Variants in PTCH1 observed in about 807,000 individuals in gnomAD.
The protein encoded by PTCH1 is protein patched homolog 1.
PTCH1 carries 14 observed loss-of-function variants against 144.6 expected under a neutral mutation model. That is an observed-to-expected ratio of 0.10 (90% CI 0.06 to 0.15). The LOEUF is 0.15. Among genes scored for constraint, PTCH1 ranks in the 10% least tolerant of loss-of-function variants. The pLI is 1.00. For missense variants in PTCH1, 1,623 were observed against 1,948.3 expected (o/e 0.83, Z 3.14); for synonymous variants, 833 against 793.6 (o/e 1.05, Z -0.83).
In PTCH1 at chr9:95,449,331, A is replaced by AG; in HGVS notation, c.3550-9dup. 1 of 1,545,074 alleles carries AG rather than the reference A, an allele frequency of 6.5e-7. No homozygotes were observed. On this transcript the variant is annotated splice_polypyrimidine_tract_variant and intron_variant, in intron 21 of 23. Transcript: ENST00000331920. This position sits in a 1 kb window ranked among gnomAD's most constrained non-coding sequence, Gnocchi z 5.3. ...GCCGTTGGCTGGAGACACCTATTTA[A>AG]GGGGATTCCATGTTAAAAGTGTTCT... is the stretch of plus-strand genomic sequence containing the variant.
At position 95,449,043 on chromosome 9, in the gene PTCH1, C is replaced by T. The variant is rs373071965; in HGVS notation, c.3804+26G>A. On this transcript the variant is annotated intron_variant, in intron 22 of 23. Coordinates refer to ENST00000331920, the MANE Select transcript of PTCH1 (RefSeq NM_000264.5). This position sits in a 1 kb window ranked among gnomAD's most constrained non-coding sequence, Gnocchi z 5.3. ...CCACTACCACGGTGGGAAGACCCCT[C>T]CCCCTGGTTCTGCAGAGTCACTTAC... 79 of 1,612,876 alleles carry T rather than the reference C, an allele frequency of 4.9e-5. No homozygotes were observed. Among genetic ancestry groups the T allele is most frequent in the Non-Finnish European group, 6.6e-5 (78 of 1,179,054 alleles).
chr9:95,461,134 G>C (rs887144089), intron 16 of PTCH1, among the ~76,000 whole-genome samples: 3 of 152,132 alleles, frequency 2.0e-5, no homozygotes, highest in Admixed American at 6.5e-5. Flanking sequence ...AATTGGAGGA[G>C]TCCAAAACAC....
Position 95,461,888 on chromosome 9 carries a change from C to T in PTCH1, c.2671G>A (p.Gly891Ser), listed in dbSNP as rs570091335. 1.1e-4 allele frequency: 174 copies of T among 1,614,068 alleles called. No homozygotes were observed. Among genetic ancestry groups the T allele is most frequent in the Non-Finnish European group, 1.2e-4 (146 of 1,180,060 alleles). The change falls in exon 16 of 24, where the codon GGC (glycine) becomes AGC (serine). Residue 891 changes from glycine to serine, a missense_variant. Gly to Ser is a moderately conservative substitution (Grantham distance 56). This residue lies in a region of PTCH1 where 504 missense variants were observed against 679.3 expected (regional missense o/e 0.74). Coordinates refer to ENST00000331920, the MANE Select transcript of PTCH1 (RefSeq NM_000264.5). Reference sequence around the variant, plus strand: ...ATGTCGATGGGCTTATCGCGGCTGCCGGTTTGCACCAGGAGTTTGTAGGCA... The same window carrying T: ...ATGTCGATGGGCTTATCGCGGCTGCTGGTTTGCACCAGGAGTTTGTAGGCA... ...VLAYKLLVQT[G>S]SRDKPIDISQ...
chr9:95,474,760 A>G (rs187549641), intron 12 of PTCH1, among the ~76,000 whole-genome samples: 25 of 152,288 alleles, frequency 1.6e-4, no homozygotes, highest in Admixed American at 1.2e-3. Flanking sequence ...TGGAAAGACT[A>G]GGAAAGAGCT....
intron 2 of PTCH1, chr9:95,503,341 A>T (rs569259687): frequency 9.2e-5 from 14 of 152,346 alleles, no homozygotes; most frequent in Admixed American, 3.9e-4. Flanking sequence ...ACAGCAGGGA[A>T]ATCTTACTCC....
intron 2 of PTCH1, chr9:95,494,287 G>T: frequency 1.0e-6 from 1 of 985,516 alleles, no homozygotes; most frequent in Non-Finnish European, 1.2e-6. Context: ...GATGCAATCA[G>T]GTCAGCCCGG....
At position 95,479,126 on chromosome 9, in the gene PTCH1, C is replaced by T. The variant is rs1841330687; in HGVS notation, c.1089G>A (p.Met363Ile). 1 of 1,614,124 alleles carries T rather than the reference C, an allele frequency of 6.2e-7. No individual in the cohort carries two copies. The change falls in exon 8 of 24, where the codon ATG becomes ATA. Residue 363 changes from methionine (M) to isoleucine (I), a missense_variant. By Grantham distance (10) the Met-to-Ile change is conservative (BLOSUM62 1). Coordinates refer to ENST00000331920, the MANE Select transcript of PTCH1 (RefSeq NM_000264.5). Reference protein sequence around the residue: ...KLVSAHALQTMFQLMTPKQMY... With the variant: ...KLVSAHALQTIFQLMTPKQMY... ...TTTGCTTGGGAGTCATTAACTGGAA[C>T]ATGGTCTGCAGGGCATGGGCGCTGC...
intron 2 of PTCH1, among the ~76,000 whole-genome samples, chr9:95,493,338 G>A (rs1318701225): frequency 2.0e-5 from 3 of 152,206 alleles, no homozygotes; most frequent in South Asian, 4.1e-4. Context: ...GGGACCAACC[G>A]AAGTTATTTT....
At chr9:95,455,937 G>A (rs192051313) in intron 19 of PTCH1, among the ~76,000 whole-genome samples, 2 of 152,222 alleles carry the variant, frequency 1.3e-5, no homozygotes, top group South Asian at 2.1e-4. Context: ...CACATAATCC[G>A]CCTTATGAAC....
At position 95,453,464 on chromosome 9, in the gene PTCH1, A is replaced by T; in HGVS notation, c.3449+14T>A. 6.2e-7 allele frequency: 1 copy of T among 1,613,888 alleles called. No individual in the cohort carries two copies. The highest frequency in any genetic ancestry group is 8.5e-7 in the Non-Finnish European group (1 of 1,180,020). On this transcript the variant is annotated intron_variant, in intron 20 of 23. Coordinates refer to ENST00000331920, the MANE Select transcript of PTCH1 (RefSeq NM_000264.5). The stretch of plus-strand genomic sequence containing the variant: ...TGATTTCTAAAACATGTCTCCTTGC[A>T]CACGCCTGCTTACCTGACAATGAAG...
chr9:95,488,542 A>T (rs1189420619), intron 2 of PTCH1, among the ~76,000 whole-genome samples: 1 of 136,970 alleles, frequency 7.3e-6, no homozygotes, highest in Non-Finnish European at 1.5e-5. Flanking sequence ...AACGTTAATG[A>T]AGTTTAGTTG....
intron 2 of PTCH1, chr9:95,494,780 GA>G (rs1284917267): frequency 6.6e-6 from 1 of 152,258 alleles, no homozygotes; most frequent in Non-Finnish European, 1.5e-5. Context: ...TAAAAAAATA[GA>G]AACAGAAAGA....
intron 20 of PTCH1, chr9:95,452,330 C>CTG (rs1838531833): frequency 1.0e-5 from 1 of 100,472 alleles, no homozygotes; most frequent in East Asian, 1.0e-3. Flanking sequence ...CTCTCTCTGA[C>CTG]ACACACACAC....
At chr9:95,493,591 T>C (rs1341676776) in intron 2 of PTCH1, among the ~76,000 whole-genome samples, 5 of 152,262 alleles carry the variant, frequency 3.3e-5, no homozygotes, top group South Asian at 2.1e-4. Flanking sequence ...ATTAGGAAAA[T>C]AGGGTCTGTG....
rs370916305 is a variant in PTCH1, at chr9:95,478,045, C to T, written c.1347+10G>A. Reference sequence around the variant, plus strand: ...ACTCCAGCCCCCAGGAGCATGGCATCGAGCGTTACCATGAGTAAGTAGCCG... The same window carrying T: ...ACTCCAGCCCCCAGGAGCATGGCATTGAGCGTTACCATGAGTAAGTAGCCG... On this transcript the variant is annotated intron_variant, in intron 9 of 23. Transcript: ENST00000331920. The T allele has an allele frequency of 1.3e-5, 21 of 1,614,154 alleles. No individual in the cohort carries two copies. The highest frequency in any genetic ancestry group is 1.8e-5 in the Non-Finnish European group (21 of 1,180,018).
At chr9:95,500,041 TAA>T (rs917204762) in intron 2 of PTCH1, among the ~76,000 whole-genome samples, 1 of 152,048 alleles carries the variant, frequency 6.6e-6, no homozygotes, top group African/African-American at 2.4e-5. Flanking sequence ...AAATGAAACA[TAA>T]ACATGGCATT....
At chr9:95,459,891 T>G in intron 16 of PTCH1, 108 bp from the exon 17 acceptor site, 1 of 1,193,660 alleles carries the variant, frequency 8.4e-7, no homozygotes, top group Non-Finnish European at 1.2e-6. Flanking sequence ...CAACAAAGAA[T>G]AGAATGCCTA....
chr9:95,487,387 A>G (rs552376140), intron 2 of PTCH1, among the ~76,000 whole-genome samples: 1 of 152,368 alleles, frequency 6.6e-6, no homozygotes, highest in Admixed American at 6.5e-5. Flanking sequence ...ATCAATGTGA[A>G]GTTAAGGAAA....
At chr9:95,456,247 A>C (rs765464253) in intron 19 of PTCH1, 29 bp downstream of exon 19, 25 of 1,606,614 alleles carry the variant, frequency 1.6e-5, no homozygotes, top group Non-Finnish European at 2.0e-5. Context: ...GTTTTTTCAC[A>C]AAGTTTTTGC....
Sources: allele counts gnomAD v4.1 joint callset (sites outside exome capture counted in the v4.1 genomes callset), GRCh38; gene constraint gnomAD v4.1.1; regional missense constraint gnomAD v4.1.1; non-coding constraint Gnocchi (gnomAD v3.1); transcripts MANE v1.5; gene names NCBI Gene and HGNC (gene_info 2026-07-23, HGNC 2026-07-21).